Variants in NBEA observed in about 807,000 individuals in gnomAD.
The protein encoded by NBEA is neurobeachin.
NBEA carries 44 observed loss-of-function variants against 343.4 expected under a neutral mutation model. The observed-to-expected ratio is 0.13, with a 90% CI of 0.10 to 0.16. The LOEUF (loss-of-function observed/expected upper bound fraction) is 0.16, where lower values mean the gene tolerates loss of function less well. NBEA is among the 10% of genes least tolerant of loss of function. NBEA has a pLI of 1.00. For synonymous variants in NBEA, 1,175 were observed against 1,238.7 expected, an observed-to-expected ratio of 0.95 and a Z score of 1.08; for missense variants, 2,555 against 3,631.3, an observed-to-expected ratio of 0.70 and a Z score of 7.62.
intron 24 of NBEA, among the ~76,000 whole-genome samples, chr13:35,168,041 G>A (rs554424130): frequency 1.3e-4 from 20 of 151,746 alleles, no homozygotes; most frequent in Admixed American, 5.9e-4. Context: ...AAATAACAAA[G>A]TCTTAATTTT....
intron 42 of NBEA, 68 bp downstream of exon 42, chr13:35,550,662 A>G: frequency 1.0e-6 from 1 of 970,738 alleles, no homozygotes; most frequent in Admixed American, 2.2e-5. Flanking sequence ...ACATGGTATG[A>G]TAATGTCTTG....
chr13:35,665,038 C>T (rs892919025), intron 55 of NBEA, 47 bp from the exon 56 acceptor site: 1 of 1,252,524 alleles, frequency 8.0e-7, no homozygotes. Context: ...TAGCTCTCTC[C>T]CCCTGCTATT....
intron 33 of NBEA, 131 bp from the exon 34 acceptor site, chr13:35,232,361 T>G: frequency 1.6e-6 from 1 of 641,416 alleles, no homozygotes; most frequent in Non-Finnish European, 2.6e-6. Flanking sequence ...CCCTTATACA[T>G]GAAGCTTGTT....
rs1480376679 is a variant in NBEA, at chr13:35,173,579, T to C, written c.4539T>C (p.Ala1513=). 6.3e-7 allele frequency: 1 copy of C among 1,599,746 alleles called. No homozygotes were observed. Among genetic ancestry groups the C allele is most frequent in the Middle Eastern group, 1.7e-4 (1 of 5,988 alleles). ...AGGAAGTTCCTCAAAGTGTGACTGC[T>C]ACAGCAGCTTCGAAGGTAAGTAAAC... ...KPQEVPQSVT[A]TAASKTPLEN... Residue 1513 remains alanine, a synonymous_variant, in exon 27 of 59, where the codon GCT becomes GCC. Transcript: ENST00000379939.
At chr13:35,414,565 C>T (rs1594544485) in intron 38 of NBEA, among the ~76,000 whole-genome samples, 1 of 152,230 alleles carries the variant, frequency 6.6e-6, no homozygotes, top group African/African-American at 2.4e-5. Flanking sequence ...TGAACTCATC[C>T]TTTTCTATGG....
At chr13:35,402,091 A>G (rs900842290) in intron 38 of NBEA, among the ~76,000 whole-genome samples, 1 of 152,034 alleles carries the variant, frequency 6.6e-6, no homozygotes, top group Non-Finnish European at 1.5e-5. Flanking sequence ...AAATTGGGGA[A>G]ATAGTTTAAA....
rs114643703 is a variant in NBEA, at chr13:35,509,044, G to T, written c.6585+36508G>T. 4.4e-3 allele frequency among the ~76,000 whole-genome samples: 664 copies of T among 152,324 alleles called. 7 individuals are homozygous for T. Among genetic ancestry groups the T allele is most frequent in the African/African-American group, 0.014 (595 of 41,566 alleles). On this transcript the variant is annotated intron_variant, in intron 41 of 58. Transcript: ENST00000379939. ...AGATGGCCTGATGCCTTATTGTCCAGCCCTGACCAGGAGTCCCTCCCATGG... is the reference window on the plus strand; with the variant it reads ...AGATGGCCTGATGCCTTATTGTCCATCCCTGACCAGGAGTCCCTCCCATGG...
chr13:35,221,459 A>G (rs1453651666), intron 33 of NBEA, among the ~76,000 whole-genome samples: 2 of 151,818 alleles, frequency 1.3e-5, no homozygotes, highest in Admixed American at 6.6e-5. Context: ...TTGATTATTT[A>G]TCAGAGCTAC....
chr13:35,485,724 G>C (rs569303018), intron 41 of NBEA, among the ~76,000 whole-genome samples: 1 of 152,162 alleles, frequency 6.6e-6, no homozygotes, highest in African/African-American at 2.4e-5. Flanking sequence ...AAGGCAACCA[G>C]ATTACCTTTC....
chr13:35,358,343 C>A (rs1338116044), intron 38 of NBEA, among the ~76,000 whole-genome samples: 1 of 151,872 alleles, frequency 6.6e-6, no homozygotes, highest in Non-Finnish European at 1.5e-5. Flanking sequence ...AATTCTTGAG[C>A]TTCTATTTGT....
chr13:35,120,588 G>T (rs1192694802), intron 16 of NBEA, among the ~76,000 whole-genome samples: 1 of 152,166 alleles, frequency 6.6e-6, no homozygotes, highest in Non-Finnish European at 1.5e-5. Flanking sequence ...CTAGTCTGTT[G>T]TAATTCATAC....
intron 34 of NBEA, among the ~76,000 whole-genome samples, chr13:35,238,693 A>G (rs1028303282): frequency 5.9e-5 from 9 of 152,142 alleles, no homozygotes; most frequent in Admixed American, 5.2e-4. Flanking sequence ...TCTCCCTTTT[A>G]GGCTCTATAT....
At chr13:35,305,527 A>G (rs1199968580) in intron 35 of NBEA, among the ~76,000 whole-genome samples, 3 of 152,258 alleles carry the variant, frequency 2.0e-5, no homozygotes, top group South Asian at 4.2e-4. Flanking sequence ...GCCAGTGAAT[A>G]TGGGCAAAGG....
intron 38 of NBEA, among the ~76,000 whole-genome samples, chr13:35,375,501 T>C (rs756770256): frequency 6.6e-6 from 1 of 152,156 alleles, no homozygotes; most frequent in African/African-American, 2.4e-5. Context: ...AATTTTTGAC[T>C]CTGGTTTTTC....
chr13:35,270,466 C>A (rs1276272452), intron 34 of NBEA, among the ~76,000 whole-genome samples: 2 of 152,194 alleles, frequency 1.3e-5, no homozygotes, highest in Admixed American at 1.3e-4. Context: ...GTTCATCTCA[C>A]TGGGACTGGT....
intron 1 of NBEA, among the ~76,000 whole-genome samples, chr13:35,017,464 C>T (rs2061696232): frequency 1.3e-5 from 2 of 152,238 alleles, no homozygotes; most frequent in Middle Eastern, 3.4e-3. Flanking sequence ...GTTTTACATC[C>T]TCTTCCATAC....
chr13:35,477,655 A>G (rs1013441966), intron 41 of NBEA, among the ~76,000 whole-genome samples: 1 of 152,202 alleles, frequency 6.6e-6, no homozygotes, highest in Non-Finnish European at 1.5e-5. Context: ...TTACAGATGT[A>G]TAATTAAGGA....
Position 35,449,861 on chromosome 13 carries a change from C to T in NBEA, c.6305-2231C>T, listed in dbSNP as rs144536745. On this transcript the variant is annotated intron_variant, in intron 39 of 58. Transcript: ENST00000379939. Reference sequence around the variant, plus strand: ...TACTATTTGTCTCTGAAGTATTTATCAAAATATATGTCTAACAATCTATTT... The same window carrying T: ...TACTATTTGTCTCTGAAGTATTTATTAAAATATATGTCTAACAATCTATTT... Among the ~76,000 whole-genome samples, 4 of 152,210 alleles carry T rather than the reference C, an allele frequency of 2.6e-5. No homozygotes were observed. The East Asian group carries it at 7.8e-4, about 29-fold the overall frequency.
Position 35,475,923 on chromosome 13 carries a change from G to C in NBEA, c.6585+3387G>C, listed in dbSNP as rs750513281. On this transcript the variant is annotated intron_variant, in intron 41 of 58. Coordinates refer to ENST00000379939, the MANE Select transcript of NBEA (RefSeq NM_001385012.1). ...TGAGATAAAGCACCACTTCAAATTC[G>C]GTGGGGGAGATGACCTCGAGGCCCT... is the stretch of plus-strand genomic sequence containing the variant. The C allele has an allele frequency of 8.7e-6, 14 of 1,614,168 alleles. No individual in the cohort carries two copies. Among genetic ancestry groups the C allele is most frequent in the Non-Finnish European group, 1.1e-5 (13 of 1,180,042 alleles).
Sources: allele counts gnomAD v4.1 joint callset (sites outside exome capture counted in the v4.1 genomes callset), GRCh38; gene constraint gnomAD v4.1.1; transcripts MANE v1.5; gene names NCBI Gene and HGNC (gene_info 2026-07-23, HGNC 2026-07-21).